MINDY4: variants seen among roughly 807,000 people sequenced by gnomAD.
The protein encoded by MINDY4 is MINDY lysine 48 deubiquitinase 4.
In MINDY4, 68 loss-of-function variants were observed where a neutral mutation model predicts 87.0. That is an observed-to-expected ratio of 0.78 (90% confidence interval 0.64 to 0.96). The LOEUF is 0.96. Among genes scored for constraint, MINDY4 ranks in the 40% least tolerant of loss-of-function variants. The pLI is 0.00. For missense variants in MINDY4, 919 were observed against 928.2 expected, an observed-to-expected ratio of 0.99 and a Z score of 0.13; for synonymous variants, 379 against 363.2, an observed-to-expected ratio of 1.04 and a Z score of -0.50.
chr7:30,830,631 A>C (rs1015761324), intron 6 of MINDY4, among the ~76,000 whole-genome samples: 1 of 152,150 alleles, frequency 6.6e-6, no homozygotes, highest in Non-Finnish European at 1.5e-5. Flanking sequence ...CAAGAATAGC[A>C]TGAGGGTAAC....
chr7:30,851,934 A>G (rs902961977), intron 10 of MINDY4, among the ~76,000 whole-genome samples: 3 of 152,192 alleles, frequency 2.0e-5, no homozygotes, highest in Admixed American at 2.0e-4. Flanking sequence ...CAGACTTCCT[A>G]CTGCCAGGGC....
chr7:30,879,669 C>T (rs533168449), intron 15 of MINDY4, among the ~76,000 whole-genome samples: 7 of 152,330 alleles, frequency 4.6e-5, no homozygotes, highest in Admixed American at 3.9e-4. Context: ...TTGACTTAAA[C>T]GTTACTTCCT....
At chr7:30,799,423 C>T (rs571832209) in intron 5 of MINDY4, among the ~76,000 whole-genome samples, 29 of 152,296 alleles carry the variant, frequency 1.9e-4, no homozygotes, top group African/African-American at 7.0e-4. Context: ...CACTCCCAGC[C>T]CTGAGTATGA....
chr7:30,846,453 C>A (rs1317217657), intron 9 of MINDY4, among the ~76,000 whole-genome samples: 1 of 152,204 alleles, frequency 6.6e-6, no homozygotes, highest in East Asian at 1.9e-4. Context: ...GTGAGGAATT[C>A]GACTCTTAAA....
chr7:30,785,490 G>C (rs1787136869), intron 3 of MINDY4, among the ~76,000 whole-genome samples: 1 of 152,190 alleles, frequency 6.6e-6, no homozygotes, highest in African/African-American at 2.4e-5. Flanking sequence ...TAGTCTTAAG[G>C]ACTTGAGGGG....
intron 5 of MINDY4, 92 bp downstream of exon 5, chr7:30,791,666 T>G (rs1177396828): frequency 2.3e-6 from 3 of 1,326,790 alleles, no homozygotes; most frequent in South Asian, 3.1e-5. Context: ...AGGGAACTTC[T>G]TAGTCTCCTT....
intron 5 of MINDY4, 76 bp from the exon 6 acceptor site, chr7:30,828,603 G>T: frequency 6.8e-7 from 1 of 1,464,148 alleles, no homozygotes; most frequent in Non-Finnish European, 9.5e-7. Flanking sequence ...CCTATCCATC[G>T]CTCTTAACAG....
At position 30,797,183 on chromosome 7, in the gene MINDY4, C is replaced by T. The variant is rs186226592; in HGVS notation, c.1073+5609C>T. Among the ~76,000 whole-genome samples, 272 of 152,336 alleles carry T rather than the reference C, an allele frequency of 1.8e-3. 1 individual carries two copies. The highest frequency in any genetic ancestry group is 6.0e-3 in the African/African-American group (248 of 41,586). ...TTAACATTTACCAGCACACCACCTG[C>T]GATGGCCTACTGTGTGCCAGACCCA... is the stretch of plus-strand genomic sequence containing the variant. On this transcript the variant is annotated intron_variant, in intron 5 of 17. Transcript: ENST00000265299.
chr7:30,814,764 A>C (rs1396241138), intron 5 of MINDY4, among the ~76,000 whole-genome samples: 1 of 152,210 alleles, frequency 6.6e-6, no homozygotes, highest in Non-Finnish European at 1.5e-5. Flanking sequence ...CTCCAAAAAT[A>C]AGTGTTATTT....
rs58156577 is a variant in MINDY4 at position 30,772,659 on chromosome 7, G to A, written c.63+1103G>A. 9.0e-3 allele frequency among the ~76,000 whole-genome samples: 1,377 copies of A among 152,168 alleles called. 22 individuals carry two copies. The highest frequency in any genetic ancestry group is 0.032 in the African/African-American group (1,316 of 41,508). ...GCACCTGTTTGGAAAGTGTCTTTGT[G>A]TGTTTTTTATGATTTATTTTTATTT... On this transcript the variant is annotated intron_variant, in intron 1 of 17. Coordinates refer to ENST00000265299, the MANE Select transcript of MINDY4 (RefSeq NM_032222.3).
rs147917592 is a variant in MINDY4 at position 30,783,552 on chromosome 7, T to C, written c.419+1340T>C. The stretch of plus-strand genomic sequence containing the variant: ...TTGCCAAGGTCTGATTTTTCACTCA[T>C]GCAAAAATTTAAAAAATTACAACCT... On this transcript the variant is annotated intron_variant, in intron 3 of 17. Transcript: ENST00000265299. 9.1e-4 allele frequency among the ~76,000 whole-genome samples: 138 copies of C among 152,292 alleles called. 1 individual carries two copies. The highest frequency in any genetic ancestry group is 3.2e-3 in the African/African-American group (133 of 41,552).
intron 3 of MINDY4, 25 bp downstream of exon 3, chr7:30,782,237 A>C: frequency 6.4e-7 from 1 of 1,572,188 alleles, no homozygotes; most frequent in Non-Finnish European, 8.7e-7. Flanking sequence ...TATTATGTTT[A>C]TTAGTTTCCT....
chr7:30,796,653 A>G (rs1787498562), intron 5 of MINDY4: 2 of 152,182 alleles, frequency 1.3e-5, no homozygotes, highest in African/African-American at 4.8e-5. Context: ...GCCCCAGAGA[A>G]CAGAAAGGAA....
chr7:30,859,343 C>T lies in MINDY4; in HGVS notation c.1745+19C>T. 1.9e-6 allele frequency: 3 copies of T among 1,611,916 alleles called. No individual in the cohort carries two copies. Among genetic ancestry groups the T allele is most frequent in the Non-Finnish European group, 1.7e-6 (2 of 1,178,266 alleles). ...CAGAGCTGTGAGTATCTTTCTCCCT[C>T]AACTCCCTGGGGCTGGGCTGGTCTG... is the stretch of plus-strand genomic sequence containing the variant. On this transcript the variant is annotated intron_variant, in intron 13 of 17. Coordinates refer to ENST00000265299, the MANE Select transcript of MINDY4 (RefSeq NM_032222.3).
intron 12 of MINDY4, among the ~76,000 whole-genome samples, chr7:30,854,586 C>T (rs1171800374): frequency 1.3e-5 from 2 of 152,172 alleles, no homozygotes; most frequent in East Asian, 3.9e-4. Context: ...TTCCCTTTGA[C>T]CTTCTGGATG....
chr7:30,832,821 T>G (rs1295816428), intron 6 of MINDY4, among the ~76,000 whole-genome samples: 1 of 151,960 alleles, frequency 6.6e-6, no homozygotes, highest in African/African-American at 2.4e-5. Context: ...TTCCCTCCCT[T>G]TTACATTTCC....
chr7:30,772,255 A>G (rs1176347454), intron 1 of MINDY4, among the ~76,000 whole-genome samples: 1 of 151,812 alleles, frequency 6.6e-6, no homozygotes, highest in African/African-American at 2.4e-5. Flanking sequence ...TGAGGGCTGC[A>G]CTCTGTGTGT....
intron 6 of MINDY4, among the ~76,000 whole-genome samples, chr7:30,829,670 C>T (rs574378837): frequency 3.5e-4 from 53 of 152,294 alleles, no homozygotes; most frequent in Non-Finnish European, 6.6e-4. Flanking sequence ...CCTAACTGAT[C>T]CTAGAAGTAG....
intron 5 of MINDY4, among the ~76,000 whole-genome samples, chr7:30,812,795 G>C (rs1348180076): frequency 6.6e-6 from 1 of 152,092 alleles, no homozygotes; most frequent in African/African-American, 2.4e-5. Context: ...GCTGGGGCTG[G>C]AATCCTCACC....
Sources: gnomAD v4.1 joint callset for allele counts (sites outside exome capture counted in the v4.1 genomes callset) on GRCh38, gnomAD v4.1.1 for gene constraint, MANE v1.5 for transcripts, NCBI Gene and HGNC (gene_info 2026-07-23, HGNC 2026-07-21) for gene names.